UBE2Q2: variants seen among roughly 807,000 people sequenced by gnomAD.
The protein encoded by UBE2Q2 is ubiquitin-conjugating enzyme E2 Q2.
In UBE2Q2, 54 loss-of-function variants were observed where a neutral mutation model predicts 59.9. The ratio of observed to expected loss-of-function variants is 0.90; its 90% confidence interval spans 0.72 to 1.13. UBE2Q2 has a LOEUF of 1.13. UBE2Q2 is among the 50% of genes most tolerant of loss of function. The pLI is 0.00. For synonymous variants in UBE2Q2, 165 were observed against 155.2 expected (o/e 1.06, Z -0.47); for missense variants, 433 against 441.9 (o/e 0.98, Z 0.18).
chr15:75,890,711 C>T (rs1290188211), intron 10 of UBE2Q2, among the ~76,000 whole-genome samples: 1 of 151,938 alleles, frequency 6.6e-6, no homozygotes, highest in Non-Finnish European at 1.5e-5. Flanking sequence ...ATTTAAGGTT[C>T]TAATTTGCTC....
At chr15:75,868,677 A>G (rs547723786) in intron 3 of UBE2Q2, among the ~76,000 whole-genome samples, 5 of 152,052 alleles carry the variant, frequency 3.3e-5, no homozygotes, top group African/African-American at 1.2e-4. Flanking sequence ...ATGTTTTAAC[A>G]TTTTTTTCTG....
intron 12 of UBE2Q2, among the ~76,000 whole-genome samples, chr15:75,897,730 G>GCTCA (rs1899512473): frequency 6.6e-6 from 1 of 151,790 alleles, no homozygotes; most frequent in Non-Finnish European, 1.5e-5. Context: ...TTGTTTACAG[G>GCTCA]CGTGATCATA....
rs776560432 is a variant in UBE2Q2, at chr15:75,890,484, G to C, written c.933+1G>C. On this transcript the variant is annotated splice_donor_variant, in intron 10 of 12. Coordinates refer to ENST00000267938, the MANE Select transcript of UBE2Q2 (RefSeq NM_173469.4). LOFTEE classifies it high-confidence loss of function. The stretch of plus-strand genomic sequence containing the variant: ...ATGTATGGAACTTCTCACAAAACAG[G>C]TGACTTTTCTTACGATACTCCATTT... 1.9e-6 allele frequency: 3 copies of C among 1,608,712 alleles called. No homozygotes were observed. In the Admixed American group the frequency reaches 5.1e-5, roughly 27 times the overall value.
At chr15:75,898,964 T>G (rs955929887) in intron 12 of UBE2Q2, among the ~76,000 whole-genome samples, 1 of 152,040 alleles carries the variant, frequency 6.6e-6, no homozygotes, top group Non-Finnish European at 1.5e-5. Flanking sequence ...AGTGTAAGTT[T>G]AATTTTTAGA....
chr15:75,853,280 G>C (rs1234483124), intron 1 of UBE2Q2, among the ~76,000 whole-genome samples: 1 of 152,034 alleles, frequency 6.6e-6, no homozygotes, highest in African/African-American at 2.4e-5. Context: ...GACCAGCCTG[G>C]CCAGCATGGT....
At chr15:75,867,192 T>C (rs1291537054) in intron 3 of UBE2Q2, among the ~76,000 whole-genome samples, 1 of 152,218 alleles carries the variant, frequency 6.6e-6, no homozygotes, top group African/African-American at 2.4e-5. Flanking sequence ...GTCTAAGATT[T>C]TGCTGCTGCA....
chr15:75,871,516 C>T (rs1054635473), intron 4 of UBE2Q2, among the ~76,000 whole-genome samples: 1 of 152,222 alleles, frequency 6.6e-6, no homozygotes, highest in Non-Finnish European at 1.5e-5. Flanking sequence ...GCAGAGGTCC[C>T]TGCGGCCTTC....
At chr15:75,856,413 C>G (rs1006942911) in intron 2 of UBE2Q2, among the ~76,000 whole-genome samples, 17 of 151,626 alleles carry the variant, frequency 1.1e-4, no homozygotes, top group African/African-American at 4.1e-4. Flanking sequence ...ACCAGATGTT[C>G]AATAAAATGT....
intron 4 of UBE2Q2, among the ~76,000 whole-genome samples, chr15:75,870,222 A>G (rs1314358867): frequency 6.6e-6 from 1 of 152,064 alleles, no homozygotes; most frequent in Non-Finnish European, 1.5e-5. Flanking sequence ...CGTGTGCCCC[A>G]TGCCAAGCTT....
Position 75,889,198 on chromosome 15 carries a change from A to G in UBE2Q2, c.885-1237A>G, listed in dbSNP as rs193233412. ...AATACACAAAAAAAAATTTAATCCC[A>G]TGAACCTTCGCCTGAATTTAAATTT... On this transcript the variant is annotated intron_variant, in intron 9 of 12. Transcript: ENST00000267938. 4.2e-3 allele frequency among the ~76,000 whole-genome samples: 643 copies of G among 152,278 alleles called. 4 individuals are homozygous for G. Among genetic ancestry groups the G allele is most frequent in the Non-Finnish European group, 7.1e-3 (483 of 68,018 alleles).
At chr15:75,857,394 G>C (rs1896974210) in intron 2 of UBE2Q2, among the ~76,000 whole-genome samples, 2 of 152,068 alleles carry the variant, frequency 1.3e-5, no homozygotes, top group African/African-American at 4.8e-5. Flanking sequence ...ATAAAATTGG[G>C]CCTAGTTTTT....
chr15:75,851,706 G>A (rs768963863), intron 1 of UBE2Q2, among the ~76,000 whole-genome samples: 1 of 152,084 alleles, frequency 6.6e-6, no homozygotes, highest in Non-Finnish European at 1.5e-5. Flanking sequence ...AAGTAAAAAT[G>A]GTATTCCATT....
intron 9 of UBE2Q2, among the ~76,000 whole-genome samples, chr15:75,888,250 C>T (rs1376724566): frequency 6.6e-6 from 1 of 152,160 alleles, no homozygotes; most frequent in African/African-American, 2.4e-5. Flanking sequence ...ACTCCCTGTA[C>T]CCGTTTCCCC....
chr15:75,847,593 C>A (rs906560138), intron 1 of UBE2Q2, among the ~76,000 whole-genome samples: 14 of 151,926 alleles, frequency 9.2e-5, no homozygotes, highest in African/African-American at 3.4e-4. Context: ...TTTCCATCTT[C>A]AGTAAACTAA....
chr15:75,876,531 T>TAA (rs1370988444), intron 6 of UBE2Q2, among the ~76,000 whole-genome samples: 1 of 152,210 alleles, frequency 6.6e-6, no homozygotes. Flanking sequence ...AGTGAACTCT[T>TAA]ACATGATTTT....
At position 75,850,802 on chromosome 15, in the gene UBE2Q2, G is replaced by A. The variant is rs531310264; in HGVS notation, c.181-3584G>A. ...CTTGAAAATATATTCAGCACTTAAG[G>A]GCTTTGGTTTATGTAAGTTACGTCT... On this transcript the variant is annotated intron_variant, in intron 1 of 12. Transcript: ENST00000267938. Among the ~76,000 whole-genome samples, 7 of 152,150 alleles carry A rather than the reference G, an allele frequency of 4.6e-5. No homozygotes were observed. The South Asian group carries it at 1.2e-3, about 27-fold the overall frequency.
chr15:75,874,729 A>G (rs1897981710), intron 5 of UBE2Q2, among the ~76,000 whole-genome samples: 1 of 152,256 alleles, frequency 6.6e-6, no homozygotes, highest in African/African-American at 2.4e-5. Context: ...GCTATCAAAA[A>G]TAAATGAAAA....
chr15:75,852,366 C>G (rs572662263), intron 1 of UBE2Q2, among the ~76,000 whole-genome samples: 1 of 152,252 alleles, frequency 6.6e-6, no homozygotes, highest in East Asian at 1.9e-4. Context: ...TGTTAGTATT[C>G]TTGTAAAAAT....
chr15:75,856,289 AT>A (rs1896911809), intron 2 of UBE2Q2, among the ~76,000 whole-genome samples: 9 of 142,302 alleles, frequency 6.3e-5, no homozygotes, highest in South Asian at 4.2e-4. Context: ...ATATATATAT[AT>A]ATAATGAATT....
Sources: gnomAD v4.1 joint callset for allele counts (sites outside exome capture counted in the v4.1 genomes callset) on GRCh38, gnomAD v4.1.1 for gene constraint, MANE v1.5 for transcripts, NCBI Gene and HGNC (gene_info 2026-07-23, HGNC 2026-07-21) for gene names.